The following OSBPL1A variants were observed in gnomAD, a reference collection of about 807,000 sequenced individuals.
OSBPL1A encodes the protein oxysterol-binding protein-related protein 1.
A neutral mutation model predicts 137.1 loss-of-function variants in OSBPL1A; 80 were observed. The ratio of observed to expected loss-of-function variants is 0.58; its 90% CI spans 0.49 to 0.70. The LOEUF (loss-of-function observed/expected upper bound fraction) is 0.70, where lower values mean the gene tolerates loss of function less well. OSBPL1A is among the 30% of genes least tolerant of loss of function. The pLI is 0.00. For missense variants in OSBPL1A, 970 were observed against 1,129.4 expected (o/e 0.86, Z 2.02); for synonymous variants, 365 against 389.7 (o/e 0.94, Z 0.75).
chr18:24,187,206 G>C (rs983503605), intron 18 of OSBPL1A, among the ~76,000 whole-genome samples: 1 of 152,158 alleles, frequency 6.6e-6, no homozygotes, highest in Admixed American at 6.5e-5. Flanking sequence ...TCTGAACAGA[G>C]AGTAGAATGG....
In OSBPL1A at chr18:24,162,612, A is replaced by G. The variant is rs2086045196; in HGVS notation, c.*567T>C. The G allele has an allele frequency of 6.6e-6, 1 of 152,234 alleles. No individual in the cohort carries two copies. Among genetic ancestry groups the G allele is most frequent in the Non-Finnish European group, 1.5e-5 (1 of 68,050 alleles). 9.4% of individuals were successfully genotyped at this position (152,234 alleles called of 1,614,324 possible). A position where few individuals can be genotyped will look rare whatever the true frequency, so the allele number is the denominator to read the frequency against. ...TTCAAATCAGAAATATCTATTCTGA[A>G]TATTCAGGCATTTTTTTTCTTCTTG... On this transcript the variant is annotated 3_prime_UTR_variant, in exon 28 of 28. Transcript: ENST00000319481.
At chr18:24,360,566 T>C (rs1387189213) in intron 4 of OSBPL1A, among the ~76,000 whole-genome samples, 1 of 152,234 alleles carries the variant, frequency 6.6e-6, no homozygotes. Flanking sequence ...AATGTTATTT[T>C]CTAAGACAAC....
chr18:24,275,110 C>T (rs566250227), intron 15 of OSBPL1A, among the ~76,000 whole-genome samples: 42 of 152,146 alleles, frequency 2.8e-4, no homozygotes, highest in Admixed American at 6.5e-4. Context: ...AGAACAGTTT[C>T]GGTGGACTTG....
At chr18:24,238,032 C>G (rs1344090712) in intron 16 of OSBPL1A, among the ~76,000 whole-genome samples, 1 of 152,150 alleles carries the variant, frequency 6.6e-6, no homozygotes, top group Non-Finnish European at 1.5e-5. Context: ...TAATAATGTT[C>G]CTATTTGTCT....
chr18:24,326,529 G>A (rs1449254594), intron 7 of OSBPL1A, among the ~76,000 whole-genome samples: 3 of 152,230 alleles, frequency 2.0e-5, no homozygotes, highest in Non-Finnish European at 2.9e-5. Context: ...CCTGAGTGGA[G>A]TCACGGGGCA....
intron 4 of OSBPL1A, among the ~76,000 whole-genome samples, chr18:24,352,101 T>C (rs1281398672): frequency 1.3e-5 from 2 of 151,348 alleles, no homozygotes; most frequent in African/African-American, 4.9e-5. Flanking sequence ...AGCCCAGGAG[T>C]TCAAGACCAG....
intron 15 of OSBPL1A, among the ~76,000 whole-genome samples, chr18:24,275,514 C>G (rs969211316): frequency 9.2e-5 from 14 of 152,040 alleles, no homozygotes; most frequent in African/African-American, 3.1e-4. Context: ...ATATCAGGGT[C>G]ACAAAATGAC....
At chr18:24,356,321 C>T in intron 4 of OSBPL1A, among the ~76,000 whole-genome samples, 1 of 152,258 alleles carries the variant, frequency 6.6e-6, no homozygotes, top group East Asian at 1.9e-4. Context: ...GTCGTGAATT[C>T]CCCCGACCAT....
chr18:24,175,139 C>T (rs9676135), intron 21 of OSBPL1A, among the ~76,000 whole-genome samples: 99,489 of 119,662 alleles, frequency 0.83, 41,240 homozygotes, highest in East Asian at 0.89. Context: ...TATATATACA[C>T]ATATATATAT....
chr18:24,390,086 A>G (rs1907216325), intron 1 of OSBPL1A, among the ~76,000 whole-genome samples: 1 of 152,230 alleles, frequency 6.6e-6, no homozygotes. Flanking sequence ...CCTTTTCAGG[A>G]ATAGAGTTCT....
intron 16 of OSBPL1A, among the ~76,000 whole-genome samples, chr18:24,236,498 G>A (rs1172737715): frequency 6.6e-6 from 1 of 152,118 alleles, no homozygotes; most frequent in Non-Finnish European, 1.5e-5. Flanking sequence ...ACTTGACAGG[G>A]CATCTGACTC....
chr18:24,216,389 C>A (rs1285137921), intron 17 of OSBPL1A, among the ~76,000 whole-genome samples: 1 of 152,184 alleles, frequency 6.6e-6, no homozygotes, highest in Non-Finnish European at 1.5e-5. Context: ...TGCCTGCAGT[C>A]CCAGCTACCT....
intron 1 of OSBPL1A, among the ~76,000 whole-genome samples, chr18:24,387,478 T>A (rs1907029443): frequency 6.6e-6 from 1 of 152,204 alleles, no homozygotes; most frequent in Admixed American, 6.5e-5. Context: ...ACAGCAATAC[T>A]AATTAGATCA....
chr18:24,344,256 C>T (rs577331035), intron 4 of OSBPL1A, among the ~76,000 whole-genome samples: 9 of 152,134 alleles, frequency 5.9e-5, no homozygotes, highest in Non-Finnish European at 1.3e-4. Context: ...TTGAGACCAG[C>T]CTGGCCAACC....
At chr18:24,321,224 G>A (rs903312358) in intron 7 of OSBPL1A, among the ~76,000 whole-genome samples, 14 of 151,982 alleles carry the variant, frequency 9.2e-5, no homozygotes, top group African/African-American at 1.7e-4. Flanking sequence ...AAATTCAATG[G>A]TTTTTATAGG....
intron 7 of OSBPL1A, among the ~76,000 whole-genome samples, chr18:24,330,179 G>A (rs1466196953): frequency 1.3e-5 from 2 of 152,018 alleles, no homozygotes; most frequent in African/African-American, 4.8e-5. Context: ...TCTCACCCAA[G>A]ACCATTTCAA....
intron 14 of OSBPL1A, among the ~76,000 whole-genome samples, chr18:24,284,106 G>A (rs907847524): frequency 3.9e-5 from 6 of 152,004 alleles, no homozygotes; most frequent in South Asian, 2.1e-4. Context: ...CTTCCACAGC[G>A]GAACAGTTTA....
chr18:24,384,876 A>G (rs1906841964), intron 1 of OSBPL1A, among the ~76,000 whole-genome samples: 1 of 149,166 alleles, frequency 6.7e-6, no homozygotes, highest in South Asian at 2.1e-4. Context: ...CTGTCTCGGA[A>G]AAAAAAAAAA....
At chr18:24,383,767 T>G (rs1222612465) in intron 1 of OSBPL1A, among the ~76,000 whole-genome samples, 5 of 152,142 alleles carry the variant, frequency 3.3e-5, no homozygotes, top group Admixed American at 2.0e-4. Flanking sequence ...AATGAATAAA[T>G]AAAGAAATCT....
Sources: gnomAD v4.1 joint callset for allele counts (sites outside exome capture counted in the v4.1 genomes callset) on GRCh38, gnomAD v4.1.1 for gene constraint, MANE v1.5 for transcripts, NCBI Gene and HGNC (gene_info 2026-07-23, HGNC 2026-07-21) for gene names.